The following ONECUT2 variants were observed in gnomAD, a reference collection of about 807,000 sequenced individuals.
ONECUT2 encodes the protein one cut homeobox 2, also known as one cut domain family member 2.
ONECUT2 carries 10 observed loss-of-function variants against 27.9 expected under a neutral mutation model. The observed-to-expected ratio is 0.36, with a 90% confidence interval of 0.22 to 0.61. The LOEUF is 0.61. Ranked by LOEUF, ONECUT2 falls within the 20% of genes least tolerant of loss-of-function variation. ONECUT2 has a pLI of 0.73. For synonymous variants in ONECUT2, 334 were observed against 315.1 expected (o/e 1.06, Z -0.64); for missense variants, 686 against 721.0 (o/e 0.95, Z 0.56).
chr18:57,473,822 C>T (rs1405261718), intron 1 of ONECUT2, among the ~76,000 whole-genome samples: 1 of 152,166 alleles, frequency 6.6e-6, no homozygotes, highest in East Asian at 1.9e-4. Flanking sequence ...ACAAGGTTCC[C>T]CTGCAAAGGC....
rs190721335 is a variant in ONECUT2, at chr18:57,454,657, C to T, written c.1228+17713C>T. Among the ~76,000 whole-genome samples the T allele has an allele frequency of 3.6e-4, 55 of 152,308 alleles. No homozygotes were observed. The Middle Eastern group carries it at 0.01, about 28-fold the overall frequency. ...CACATGGGCCACATCTGTACTTCAA[C>T]ATAAATTTTTTGTCATTTTCTCAGA... On this transcript the variant is annotated intron_variant, in intron 1 of 1. Coordinates refer to ENST00000491143, the MANE Select transcript of ONECUT2 (RefSeq NM_004852.3).
At chr18:57,452,924 G>A (rs899182137) in intron 1 of ONECUT2, among the ~76,000 whole-genome samples, 3 of 152,174 alleles carry the variant, frequency 2.0e-5, no homozygotes, top group Non-Finnish European at 4.4e-5. Flanking sequence ...GAATAAAGAA[G>A]CAAGTTGGAA....
rs1266653190 is a variant in ONECUT2 at position 57,436,043 on chromosome 18, C to T, written c.327C>T (p.Ser109=). Residue 109 remains serine (S), a synonymous_variant, in exon 1 of 2, where the codon AGC becomes AGT. Transcript: ENST00000491143. The surrounding 1 kb of genome is among the most constrained non-coding windows in gnomAD (Gnocchi z 5.9). ...AAASRSAMVT[S]MASILDGGDY... ...CGTCGCGCTCGGCCATGGTCACCAG[C>T]ATGGCCTCGATCCTGGACGGCGGCG... is the stretch of plus-strand genomic sequence containing the variant. 1 of 1,585,044 alleles carries T rather than the reference C, an allele frequency of 6.3e-7. No homozygotes were observed. Among genetic ancestry groups the T allele is most frequent in the Non-Finnish European group, 8.5e-7 (1 of 1,171,528 alleles).
chr18:57,454,005 A>G (rs1192947758), intron 1 of ONECUT2, among the ~76,000 whole-genome samples: 1 of 152,166 alleles, frequency 6.6e-6, no homozygotes, highest in Non-Finnish European at 1.5e-5. Flanking sequence ...TCGAGCTGTA[A>G]TTGAAGAATT....
At chr18:57,474,451 C>G (rs893795848) in intron 1 of ONECUT2, among the ~76,000 whole-genome samples, 12 of 152,200 alleles carry the variant, frequency 7.9e-5, no homozygotes, top group African/African-American at 2.7e-4. Context: ...TCTGACAGTT[C>G]TGGAGGCTGG....
At position 57,484,298 on chromosome 18, in the gene ONECUT2, A is replaced by G. The variant is rs1431696407; in HGVS notation, c.*7575A>G. The G allele has an allele frequency of 1.3e-5, 2 of 152,530 alleles. No homozygotes were observed. The highest frequency in any genetic ancestry group is 2.9e-5 in the Non-Finnish European group (2 of 68,006). The allele number at this position is 152,530 out of a possible 1,614,324, so 9.4% of individuals were successfully genotyped here. ...TCCATTTGTAATTTTAATCGTGTTG[A>G]TGACACCAAAGATACCAAAGATTTC... On this transcript the variant is annotated 3_prime_UTR_variant, in exon 2 of 2. Transcript: ENST00000491143.
rs2050452639 is a variant in ONECUT2, at chr18:57,489,178, A to G, written c.*12455A>G. ...CCCCTCCATCCAGTGGGGCTCTTCC[A>G]CATCAGAAGTCCCCCTCCCACCATC... On this transcript the variant is annotated 3_prime_UTR_variant, in exon 2 of 2. Transcript: ENST00000491143. 6.6e-6 allele frequency: 1 copy of G among 152,224 alleles called. No homozygotes were observed. The highest frequency in any genetic ancestry group is 2.4e-5 in the African/African-American group (1 of 41,450). 9.4% of individuals were successfully genotyped at this position (152,224 alleles called of 1,614,324 possible).
chr18:57,439,263 C>A (rs1249534388), intron 1 of ONECUT2, among the ~76,000 whole-genome samples: 1 of 152,234 alleles, frequency 6.6e-6, no homozygotes, highest in East Asian at 1.9e-4. Flanking sequence ...TGCAAGTCTG[C>A]AGGGACAGGC....
At position 57,485,513 on chromosome 18, in the gene ONECUT2, A is replaced by C. The variant is rs1312461389; in HGVS notation, c.*8790A>C. The C allele has an allele frequency of 6.6e-6, 1 of 152,228 alleles. No homozygotes were observed. Among genetic ancestry groups the C allele is most frequent in the Non-Finnish European group, 1.5e-5 (1 of 68,036 alleles). 9.4% of individuals were successfully genotyped at this position (152,228 alleles called of 1,614,324 possible). ...TCCATTAAATGATTAAATCACTATT[A>C]AGAGCCATTCATCAACGTGATTTGT... On this transcript the variant is annotated 3_prime_UTR_variant, in exon 2 of 2. Transcript: ENST00000491143.
At chr18:57,448,936 C>A (rs921485285) in intron 1 of ONECUT2, among the ~76,000 whole-genome samples, 14 of 152,216 alleles carry the variant, frequency 9.2e-5, no homozygotes, top group Non-Finnish European at 1.3e-4. Context: ...GGGAAAAATT[C>A]GTCTTGGATG....
In ONECUT2 at chr18:57,438,927, G is replaced by A. The variant is rs116148235; in HGVS notation, c.1228+1983G>A. 4.1e-3 allele frequency among the ~76,000 whole-genome samples: 630 copies of A among 152,244 alleles called. 8 individuals are homozygous for A. Among genetic ancestry groups the A allele is most frequent in the African/African-American group, 0.014 (596 of 41,520 alleles). On this transcript the variant is annotated intron_variant, in intron 1 of 1. Transcript: ENST00000491143. ...TCATAGATCCCCCCGAATGTCCCAGGCTGTCTCTGGTGGGTTTTAGTACCC... is the reference window on the plus strand; with the variant it reads ...TCATAGATCCCCCCGAATGTCCCAGACTGTCTCTGGTGGGTTTTAGTACCC...
chr18:57,445,206 G>C (rs1394037338), intron 1 of ONECUT2, among the ~76,000 whole-genome samples: 1 of 152,122 alleles, frequency 6.6e-6, no homozygotes, highest in Admixed American at 6.5e-5. Flanking sequence ...TCAGAAAAAG[G>C]ATTCTCCCCA....
intron 1 of ONECUT2, among the ~76,000 whole-genome samples, chr18:57,448,003 G>C (rs1244133142): frequency 6.6e-6 from 1 of 152,146 alleles, no homozygotes; most frequent in Non-Finnish European, 1.5e-5. Flanking sequence ...CACTGGCCAG[G>C]GTGAGAACTG....
At chr18:57,473,613 T>G (rs982224955) in intron 1 of ONECUT2, among the ~76,000 whole-genome samples, 1 of 152,226 alleles carries the variant, frequency 6.6e-6, no homozygotes, top group Non-Finnish European at 1.5e-5. Context: ...CCCTTGCAAC[T>G]CAAACCGAGG....
chr18:57,461,346 C>T (rs1487685684), intron 1 of ONECUT2, among the ~76,000 whole-genome samples: 3 of 152,172 alleles, frequency 2.0e-5, no homozygotes, highest in Admixed American at 1.3e-4. Context: ...ATTCTCCTGT[C>T]AATGAGCATT....
chr18:57,460,619 G>A (rs538716639), intron 1 of ONECUT2, among the ~76,000 whole-genome samples: 1 of 151,004 alleles, frequency 6.6e-6, no homozygotes, highest in East Asian at 1.9e-4. Flanking sequence ...TATAGAATCA[G>A]CTTGAATTTA....
rs2050385395 is a variant in ONECUT2, at chr18:57,476,797, A to G, written c.*74A>G. 2.7e-6 allele frequency: 4 copies of G among 1,499,702 alleles called. No homozygotes were observed. The highest frequency in any genetic ancestry group is 1.3e-5 in the South Asian group (1 of 77,728). The allele number at this position is 1,499,702 out of a possible 1,614,324, so 92.9% of individuals were successfully genotyped here. The stretch of plus-strand genomic sequence containing the variant: ...GATACCAAAAGAAAACAAAGGAAAA[A>G]GACACCGGATTCCTAGCTGGGGCCC... On this transcript the variant is annotated 3_prime_UTR_variant, in exon 2 of 2. Coordinates refer to ENST00000491143, the MANE Select transcript of ONECUT2 (RefSeq NM_004852.3).
At position 57,490,369 on chromosome 18, in the gene ONECUT2, A is replaced by G. The variant is rs2050459352; in HGVS notation, c.*13646A>G. The G allele has an allele frequency of 6.6e-6, 1 of 152,186 alleles. No homozygotes were observed. The highest frequency in any genetic ancestry group is 2.4e-5 in the African/African-American group (1 of 41,430). 9.4% of individuals were successfully genotyped at this position (152,186 alleles called of 1,614,324 possible). ...CAGATGTGTTTATTCTTGCTATTTA[A>G]AAATACCTTTAAATTTCACATGCTG... On this transcript the variant is annotated 3_prime_UTR_variant, in exon 2 of 2. Coordinates refer to ENST00000491143, the MANE Select transcript of ONECUT2 (RefSeq NM_004852.3).
intron 1 of ONECUT2, among the ~76,000 whole-genome samples, chr18:57,463,160 A>C (rs2050302490): frequency 6.6e-6 from 1 of 152,222 alleles, no homozygotes; most frequent in Admixed American, 6.5e-5. Context: ...CACAATGCCT[A>C]TCCAGTTATT....
Sources: allele counts gnomAD v4.1 joint callset (sites outside exome capture counted in the v4.1 genomes callset), GRCh38; gene constraint gnomAD v4.1.1; non-coding constraint Gnocchi (gnomAD v3.1); transcripts MANE v1.5; gene names NCBI Gene and HGNC (gene_info 2026-07-23, HGNC 2026-07-21).